The following MACO1 variants were observed in gnomAD, a reference collection of about 807,000 sequenced individuals.
MACO1 encodes the protein macoilin.
MACO1 carries 14 observed loss-of-function variants against 78.7 expected under a neutral mutation model. The ratio of observed to expected loss-of-function variants is 0.18; its 90% CI spans 0.12 to 0.28. MACO1 has a LOEUF of 0.28. MACO1 is among the 10% of genes least tolerant of loss of function. The pLI is 1.00. For missense variants in MACO1, 501 were observed against 799.0 expected, an observed-to-expected ratio of 0.63 and a Z score of 4.50; for synonymous variants, 288 against 291.6, an observed-to-expected ratio of 0.99 and a Z score of 0.12.
chr1:25,484,208 G>A lies in MACO1; in HGVS notation c.1247G>A (p.Ser416Asn), dbSNP rs1173743096. ...CGCAGTCAGATCAGCTCCCTTTCGAGCACCGAGCGAGGGATCCGCTCAGAA... is the reference window on the plus strand; with the variant it reads ...CGCAGTCAGATCAGCTCCCTTTCGAACACCGAGCGAGGGATCCGCTCAGAA... ...ELRSQISSLS[S>N]TERGIRSEMG... Residue 416 changes from serine to asparagine, a missense_variant, in exon 7 of 11, where the codon AGC becomes AAC. Ser to Asn is a conservative substitution (Grantham distance 46). Transcript: ENST00000374343. 6.2e-7 allele frequency: 1 copy of A among 1,613,950 alleles called. No individual in the cohort carries two copies. Among genetic ancestry groups the A allele is most frequent in the South Asian group, 1.1e-5 (1 of 91,044 alleles).
At position 25,477,965 on chromosome 1, in the gene MACO1, G is replaced by A. The variant is rs75409726; in HGVS notation, c.1155-6151G>A. Among the ~76,000 whole-genome samples, 1,130 of 152,330 alleles carry A rather than the reference G, an allele frequency of 7.4e-3. 16 individuals are homozygous for A. The highest frequency in any genetic ancestry group is 0.026 in the African/African-American group (1,083 of 41,576). ...GCTAATACTTAAATACTGTGTTTCA[G>A]CTGGGCGTGGTGGCTCAGGCCTGTA... On this transcript the variant is annotated intron_variant, in intron 6 of 10. Transcript: ENST00000374343.
chr1:25,463,696 G>C (rs1487696769), intron 6 of MACO1, among the ~76,000 whole-genome samples: 2 of 152,142 alleles, frequency 1.3e-5, no homozygotes, highest in African/African-American at 4.8e-5. Context: ...AATATTTTAA[G>C]TGTGAAAAAA....
Position 25,475,500 on chromosome 1 carries a change from C to T in MACO1, c.1155-8616C>T, listed in dbSNP as rs547873493. Among the ~76,000 whole-genome samples the T allele has an allele frequency of 4.0e-5, 6 of 150,400 alleles. No individual in the cohort carries two copies. The South Asian group carries it at 1.3e-3, about 32-fold the overall frequency. On this transcript the variant is annotated intron_variant, in intron 6 of 10. Transcript: ENST00000374343. ...GCCGAGGTGGGAGGATCACTTGAGTCCAGGAGTTAGCTTGACCAGTCTGGT... is the reference window on the plus strand; with the variant it reads ...GCCGAGGTGGGAGGATCACTTGAGTTCAGGAGTTAGCTTGACCAGTCTGGT...
intron 10 of MACO1, among the ~76,000 whole-genome samples, chr1:25,497,648 G>A (rs1219668613): frequency 6.6e-6 from 1 of 152,162 alleles, no homozygotes; most frequent in African/African-American, 2.4e-5. Flanking sequence ...TCACACTAGC[G>A]TTCCTCCCAG....
At chr1:25,491,382 A>C in intron 9 of MACO1, 28 bp from the exon 10 acceptor site, 2 of 1,612,818 alleles carry the variant, frequency 1.2e-6, no homozygotes, top group Non-Finnish European at 1.7e-6. Context: ...ACTACCTTGT[A>C]GCATTGCTGT....
chr1:25,453,268 G>A (rs886784475), intron 3 of MACO1, among the ~76,000 whole-genome samples: 5 of 151,390 alleles, frequency 3.3e-5, no homozygotes, highest in African/African-American at 1.2e-4. Flanking sequence ...GCCTCCCAAA[G>A]TGCTGGGATT....
chr1:25,492,860 A>G (rs541482060), intron 10 of MACO1, among the ~76,000 whole-genome samples: 1 of 152,310 alleles, frequency 6.6e-6, no homozygotes, highest in South Asian at 2.1e-4. Flanking sequence ...GAATTTTCAA[A>G]TGGTTGACTT....
chr1:25,444,258 T>TTAAATAAATAAA (rs914203310), intron 1 of MACO1, among the ~76,000 whole-genome samples: 8 of 151,664 alleles, frequency 5.3e-5, no homozygotes, highest in African/African-American at 1.5e-4. Context: ...AACTCAGTCT[T>TTAAATAAATAAA]TAAATAAATA....
intron 1 of MACO1, among the ~76,000 whole-genome samples, chr1:25,434,735 A>G (rs141211760): frequency 6.6e-6 from 1 of 152,288 alleles, no homozygotes; most frequent in East Asian, 1.9e-4. Context: ...TTATGAACAT[A>G]AGTTATTAAG....
chr1:25,439,959 G>A lies in MACO1; in HGVS notation c.81-6803G>A, dbSNP rs184014687. ...CTTGAACCCAGGAGGCAGAGATTGC[G>A]GTGAGCCGAGATCGTACCATTGCAT... is the stretch of plus-strand genomic sequence containing the variant. On this transcript the variant is annotated intron_variant, in intron 1 of 10. Coordinates refer to ENST00000374343, the MANE Select transcript of MACO1 (RefSeq NM_018202.6). Among the ~76,000 whole-genome samples the A allele has an allele frequency of 6.3e-3, 955 of 151,470 alleles. 8 individuals carry two copies. The highest frequency in any genetic ancestry group is 0.01 in the Non-Finnish European group (702 of 67,886).
rs2043459999 is a variant in MACO1, at chr1:25,489,023, G to A, written c.1497-150G>A. Reference sequence around the variant, plus strand: ...TTTAGTAGAGACGGGGTTTCACCATGCTGGTCAGGTTGGTCTCGAACCCCT... The same window carrying A: ...TTTAGTAGAGACGGGGTTTCACCATACTGGTCAGGTTGGTCTCGAACCCCT... On this transcript the variant is annotated intron_variant, in intron 8 of 10. Coordinates refer to ENST00000374343, the MANE Select transcript of MACO1 (RefSeq NM_018202.6). The A allele has an allele frequency of 3.5e-6, 3 of 853,850 alleles. No individual in the cohort carries two copies. The African/African-American group carries it at 5.2e-5, about 15-fold the overall frequency. The allele number at this position is 853,850 out of a possible 1,614,324, so 52.9% of individuals were successfully genotyped here. A position where few individuals can be genotyped will look rare whatever the true frequency, so the allele number is the denominator to read the frequency against.
chr1:25,455,653 A>G (rs1204144805), intron 4 of MACO1, among the ~76,000 whole-genome samples: 1 of 152,190 alleles, frequency 6.6e-6, no homozygotes, highest in Non-Finnish European at 1.5e-5. Flanking sequence ...TCTATCCCAG[A>G]GATTAGAGTT....
chr1:25,491,039 A>C (rs2043481142), intron 9 of MACO1, among the ~76,000 whole-genome samples: 1 of 152,230 alleles, frequency 6.6e-6, no homozygotes, highest in African/African-American at 2.4e-5. Flanking sequence ...ACATTTTTAC[A>C]ATTATTAATG....
At chr1:25,464,431 A>C (rs1571970882) in intron 6 of MACO1, among the ~76,000 whole-genome samples, 1 of 114,506 alleles carries the variant, frequency 8.7e-6, no homozygotes, top group Admixed American at 1.2e-4. Flanking sequence ...TGCAACCTCC[A>C]CCTCCCAGGT....
rs2042859463 is a variant in MACO1 at position 25,431,078 on chromosome 1, A to ACCCGGCCC, written c.-17_-10dup. ...GAGAGACGGCGGCGGCGGCGCGGGC[A>ACCCGGCCC]CCCGGCCCCCCAGCGGGAGGATGAA... On this transcript the variant is annotated 5_prime_UTR_variant, in exon 1 of 11. Coordinates refer to ENST00000374343, the MANE Select transcript of MACO1 (RefSeq NM_018202.6). 12 of 1,562,526 alleles carry ACCCGGCCC rather than the reference A, an allele frequency of 7.7e-6. No individual in the cohort carries two copies. Among genetic ancestry groups the ACCCGGCCC allele is most frequent in the Non-Finnish European group, 1.0e-5 (12 of 1,157,070 alleles).
chr1:25,460,121 T>C (rs1323375712), intron 6 of MACO1, among the ~76,000 whole-genome samples: 1 of 152,204 alleles, frequency 6.6e-6, no homozygotes, highest in Non-Finnish European at 1.5e-5. Flanking sequence ...AAGCGAGGTA[T>C]ATTTGGGTTC....
intron 1 of MACO1, among the ~76,000 whole-genome samples, chr1:25,440,405 G>GAAAA (rs35855810): frequency 8.0e-6 from 1 of 124,582 alleles, no homozygotes; most frequent in African/African-American, 2.9e-5. Context: ...CCAGTTCTGG[G>GAAAA]AAAAAAAAAA....
At chr1:25,432,290 G>A (rs1050938433) in intron 1 of MACO1, among the ~76,000 whole-genome samples, 2 of 152,200 alleles carry the variant, frequency 1.3e-5, no homozygotes, top group Non-Finnish European at 2.9e-5. Context: ...ACATGCTCTT[G>A]TTTACAGATG....
At chr1:25,432,091 G>C (rs2042879892) in intron 1 of MACO1, among the ~76,000 whole-genome samples, 1 of 152,148 alleles carries the variant, frequency 6.6e-6, no homozygotes, top group Non-Finnish European at 1.5e-5. Context: ...CTTGTAAATG[G>C]TATTTGCCTT....
Sources: allele counts gnomAD v4.1 joint callset (sites outside exome capture counted in the v4.1 genomes callset), GRCh38; gene constraint gnomAD v4.1.1; transcripts MANE v1.5; gene names NCBI Gene and HGNC (gene_info 2026-07-23, HGNC 2026-07-21).